The following CSMD1 variants were observed in gnomAD, a reference collection of about 807,000 sequenced individuals.
The protein encoded by CSMD1 is CUB and sushi domain-containing protein 1.
A neutral mutation model predicts 417.5 loss-of-function variants in CSMD1; 213 were observed. The ratio of observed to expected loss-of-function variants is 0.51; its 90% confidence interval spans 0.46 to 0.57. The LOEUF (loss-of-function observed/expected upper bound fraction) is 0.57, where lower values mean the gene tolerates loss of function less well. Ranked by LOEUF, CSMD1 falls within the 20% of genes least tolerant of loss-of-function variation. CSMD1 has a pLI of 0.00. For missense variants in CSMD1, 6,923 were observed against 4,529.7 expected, an observed-to-expected ratio of 1.53 and a Z score of -15.17; for synonymous variants, 2,862 against 1,736.8, an observed-to-expected ratio of 1.65 and a Z score of -16.11.
chr8:3,729,937 AAAAAAAAAAAAAAAAAAAAAAAAAC>A (rs1323924174), intron 6 of CSMD1, among the ~76,000 whole-genome samples: 851 of 24,680 alleles, frequency 0.034, 62 homozygotes, highest in Admixed American at 0.043. Context: ...AAAAAAAAAA[AAAAAAAAAAAAAAAAAAAAAAAAAC>A]AAAAACAGAA....
In CSMD1 at chr8:3,375,904, C is replaced by T. The variant is rs375973926; in HGVS notation, c.2783-6534G>A. On this transcript the variant is annotated intron_variant, in intron 18 of 69. Coordinates refer to ENST00000635120, the MANE Select transcript of CSMD1 (RefSeq NM_033225.6). ...ACCTCAGTTTATAACCATTTCTTCA[C>T]GTTGAAACATGTCCCTCCCTCTCAA... Among the ~76,000 whole-genome samples the T allele has an allele frequency of 7.4e-3, 1,130 of 152,266 alleles. 10 individuals are homozygous for T. The highest frequency in any genetic ancestry group is 0.013 in the Non-Finnish European group (866 of 68,022).
chr8:3,168,349 T>C (rs908933216), intron 37 of CSMD1, among the ~76,000 whole-genome samples: 4 of 152,204 alleles, frequency 2.6e-5, no homozygotes, highest in African/African-American at 9.6e-5. Context: ...GACACACAGA[T>C]GAAAATTCCT....
At chr8:4,226,622 C>T (rs969249816) in intron 3 of CSMD1, among the ~76,000 whole-genome samples, 3 of 151,992 alleles carry the variant, frequency 2.0e-5, no homozygotes, top group African/African-American at 7.3e-5. Flanking sequence ...TCTATAACAT[C>T]AATTACTTCA....
At chr8:3,010,979 G>T (rs1345119719) in intron 52 of CSMD1, among the ~76,000 whole-genome samples, 1 of 151,926 alleles carries the variant, frequency 6.6e-6, no homozygotes, top group African/African-American at 2.4e-5. Flanking sequence ...GCCCACCTCG[G>T]CCTCCCAAAG....
At chr8:4,652,235 G>C (rs1030476865) in intron 1 of CSMD1, among the ~76,000 whole-genome samples, 9 of 152,168 alleles carry the variant, frequency 5.9e-5, no homozygotes, top group African/African-American at 2.2e-4. Context: ...GGATGGGATT[G>C]GGGAAAATGA....
intron 1 of CSMD1, among the ~76,000 whole-genome samples, chr8:4,743,809 G>A (rs1810777908): frequency 6.6e-6 from 1 of 152,158 alleles, no homozygotes; most frequent in Non-Finnish European, 1.5e-5. Context: ...CAGGTGCTAT[G>A]AAAACCTCTT....
intron 8 of CSMD1, among the ~76,000 whole-genome samples, chr8:3,605,685 A>G (rs921495141): frequency 1.3e-5 from 2 of 152,238 alleles, no homozygotes; most frequent in African/African-American, 4.8e-5. Flanking sequence ...CCTCGAGATA[A>G]AAATATGCTA....
At chr8:3,556,583 A>G (rs748581411) in intron 10 of CSMD1, among the ~76,000 whole-genome samples, 36 of 150,992 alleles carry the variant, frequency 2.4e-4, no homozygotes, top group Non-Finnish European at 4.7e-4. Flanking sequence ...GAAAAGTTCA[A>G]TATCACTCTA....
At chr8:3,871,270 CT>C (rs571046766) in intron 5 of CSMD1, among the ~76,000 whole-genome samples, 137 of 152,076 alleles carry the variant, frequency 9.0e-4, no homozygotes, top group African/African-American at 3.2e-3. Flanking sequence ...CCAAATTACT[CT>C]TCAATAAAAA....
chr8:3,802,046 A>C (rs1800485805), intron 5 of CSMD1, among the ~76,000 whole-genome samples: 3 of 152,170 alleles, frequency 2.0e-5, no homozygotes. Flanking sequence ...ACAAAAATTC[A>C]TGGAATTGCA....
At chr8:3,231,172 G>A (rs1156968161) in intron 26 of CSMD1, among the ~76,000 whole-genome samples, 1 of 152,148 alleles carries the variant, frequency 6.6e-6, no homozygotes, top group African/African-American at 2.4e-5. Context: ...TATAACTGCT[G>A]TGTATTATGT....
At chr8:3,440,301 ATTTTGATCTTTGGTTTC>A (rs1407079755) in intron 12 of CSMD1, among the ~76,000 whole-genome samples, 4 of 152,104 alleles carry the variant, frequency 2.6e-5, no homozygotes, top group Admixed American at 6.6e-5. Context: ...CTCTCTACTT[ATTTTGATCTTTGGTTTC>A]TTTCAATAGC....
chr8:4,223,330 G>A (rs1185760360), intron 3 of CSMD1, among the ~76,000 whole-genome samples: 1 of 152,222 alleles, frequency 6.6e-6, no homozygotes, highest in Non-Finnish European at 1.5e-5. Flanking sequence ...GAAGAACACT[G>A]TTGTCTCAGA....
At chr8:4,859,746 A>C (rs1173825713) in intron 1 of CSMD1, among the ~76,000 whole-genome samples, 2 of 152,042 alleles carry the variant, frequency 1.3e-5, no homozygotes, top group African/African-American at 4.8e-5. Context: ...CAATCATTAA[A>C]AAGTCAGGAA....
intron 41 of CSMD1, among the ~76,000 whole-genome samples, chr8:3,124,357 A>G (rs1329715834): frequency 1.3e-5 from 2 of 152,262 alleles, no homozygotes; most frequent in African/African-American, 4.8e-5. Flanking sequence ...TATTATTAAA[A>G]AATAAAAAGT....
intron 10 of CSMD1, among the ~76,000 whole-genome samples, chr8:3,506,963 GT>G (rs1158491663): frequency 6.6e-6 from 1 of 152,146 alleles, no homozygotes; most frequent in East Asian, 1.9e-4. Flanking sequence ...AATTTAGGAA[GT>G]TTTGCTTATC....
At position 3,249,089 on chromosome 8, in the gene CSMD1, G is replaced by A. The variant is rs564728533; in HGVS notation, c.4154-18858C>T. On this transcript the variant is annotated intron_variant, in intron 26 of 69. Coordinates refer to ENST00000635120, the MANE Select transcript of CSMD1 (RefSeq NM_033225.6). ...AGTGGGTTCTCAAAAAATGTTTGTC[G>A]AATGAAGTGTTTAAAGCACTTAGCC... Among the ~76,000 whole-genome samples, 21 of 152,240 alleles carry A rather than the reference G, an allele frequency of 1.4e-4. No individual in the cohort carries two copies. In the South Asian group the frequency reaches 1.7e-3, roughly 12 times the overall value.
chr8:3,337,574 A>G (rs1401367507), intron 23 of CSMD1, among the ~76,000 whole-genome samples: 1 of 152,182 alleles, frequency 6.6e-6, no homozygotes, highest in African/African-American at 2.4e-5. Context: ...CATCAATGCT[A>G]TGTCTAATGC....
At chr8:4,672,304 A>G (rs1805380168) in intron 1 of CSMD1, among the ~76,000 whole-genome samples, 1 of 152,158 alleles carries the variant, frequency 6.6e-6, no homozygotes, top group Non-Finnish European at 1.5e-5. Context: ...ACTTCTCTAG[A>G]ACTTCATTTC....
Sources: gnomAD v4.1 joint callset for allele counts (sites outside exome capture counted in the v4.1 genomes callset) on GRCh38, gnomAD v4.1.1 for gene constraint, MANE v1.5 for transcripts, NCBI Gene and HGNC (gene_info 2026-07-23, HGNC 2026-07-21) for gene names.